GCH1: variants seen among roughly 807,000 people sequenced by gnomAD.
GCH1 encodes GTP cyclohydrolase I.
GCH1 carries 5 observed loss-of-function variants against 25.9 expected under a neutral mutation model. The ratio of observed to expected loss-of-function variants is 0.19; its 90% CI spans 0.10 to 0.41. GCH1 has a LOEUF of 0.41. GCH1 is among the 10% of genes least tolerant of loss of function. The pLI, the probability that GCH1 is intolerant of heterozygous loss-of-function variation, is 1.00. For synonymous variants in GCH1, 159 were observed against 129.6 expected (o/e 1.23, Z -1.54); for missense variants, 261 against 336.5 (o/e 0.78, Z 1.75).
intron 1 of GCH1, among the ~76,000 whole-genome samples, chr14:54,883,562 C>G (rs1377570932): frequency 5.3e-5 from 8 of 151,948 alleles, no homozygotes; most frequent in Admixed American, 5.3e-4. Flanking sequence ...GCCTGTAGTC[C>G]CAGCTACTCG....
At chr14:54,902,297 C>G (rs1330575179) in intron 1 of GCH1, 24 bp downstream of exon 1, 1 of 1,609,380 alleles carries the variant, frequency 6.2e-7, no homozygotes, top group South Asian at 1.1e-5. Context: ...CCCGCACGCT[C>G]TAGCAGCCCG....
At chr14:54,889,075 A>G (rs1047241127) in intron 1 of GCH1, among the ~76,000 whole-genome samples, 5 of 152,212 alleles carry the variant, frequency 3.3e-5, no homozygotes, top group African/African-American at 9.6e-5. Flanking sequence ...AAAGCCTGAC[A>G]GCACTAACAG....
chr14:54,880,443 T>TAC (rs1491330778), intron 1 of GCH1, among the ~76,000 whole-genome samples: 6 of 121,982 alleles, frequency 4.9e-5, no homozygotes, highest in South Asian at 5.2e-4. Context: ...TATATATATA[T>TAC]ACTCCATATA....
chr14:54,888,516 G>GTT (rs371734881), intron 1 of GCH1, among the ~76,000 whole-genome samples: 5 of 136,842 alleles, frequency 3.7e-5, no homozygotes, highest in Non-Finnish European at 4.6e-5. Context: ...TGACATACTA[G>GTT]TTTTTTTTTT....
In GCH1 at chr14:54,861,183, T is replaced by C. The variant is rs543599021; in HGVS notation, c.454-1447A>G. On this transcript the variant is annotated intron_variant, in intron 2 of 5. Transcript: ENST00000491895. ...GATCTAGTAGTACTTAGTGATTTTT[T>C]CCCCCATCCATTGGCACTATGCTTT... Among the ~76,000 whole-genome samples the C allele has an allele frequency of 5.3e-4, 80 of 152,272 alleles. 1 individual carries two copies. Among genetic ancestry groups the C allele is most frequent in the African/African-American group, 1.9e-3 (78 of 41,556 alleles).
chr14:54,852,910 C>T (rs574139366), intron 3 of GCH1, among the ~76,000 whole-genome samples: 1 of 152,142 alleles, frequency 6.6e-6, no homozygotes, highest in Non-Finnish European at 1.5e-5. Context: ...AGAGAACATG[C>T]ACTAGTTTCT....
At chr14:54,854,421 G>C (rs1411968817) in intron 3 of GCH1, among the ~76,000 whole-genome samples, 1 of 152,160 alleles carries the variant, frequency 6.6e-6, no homozygotes, top group Non-Finnish European at 1.5e-5. Context: ...CGGGCAGTGA[G>C]CACACGCAGC....
chr14:54,863,280 A>G lies in GCH1; in HGVS notation c.453+2047T>C, dbSNP rs572653642. Among the ~76,000 whole-genome samples, 68 of 151,916 alleles carry G rather than the reference A, an allele frequency of 4.5e-4. 1 individual carries two copies. The South Asian group carries it at 0.013, about 29-fold the overall frequency. On this transcript the variant is annotated intron_variant, in intron 2 of 5. Transcript: ENST00000491895. ...TAAAAATACAACAACAAAATTAGCC[A>G]GCATGGTGGCAGGCGCCTGTAGTCC...
intron 1 of GCH1, among the ~76,000 whole-genome samples, chr14:54,874,562 T>G (rs1288482456): frequency 6.6e-6 from 1 of 152,212 alleles, no homozygotes; most frequent in African/African-American, 2.4e-5. Flanking sequence ...GGTCCCTGTT[T>G]GCAGATGACA....
chr14:54,852,009 C>T (rs767461962), intron 3 of GCH1, among the ~76,000 whole-genome samples: 3 of 152,164 alleles, frequency 2.0e-5, no homozygotes, highest in Admixed American at 6.5e-5. Context: ...AGGCTGGTCT[C>T]GAACTACTGA....
At chr14:54,864,258 A>G (rs1192239779) in intron 2 of GCH1, among the ~76,000 whole-genome samples, 2 of 152,236 alleles carry the variant, frequency 1.3e-5, no homozygotes, top group African/African-American at 2.4e-5. Context: ...AAAAGATACA[A>G]TACTTTAACA....
chr14:54,860,791 G>A (rs1195172804), intron 2 of GCH1, among the ~76,000 whole-genome samples: 2 of 151,932 alleles, frequency 1.3e-5, no homozygotes, highest in Admixed American at 6.6e-5. Context: ...TGCCCGCCTC[G>A]GCCTCCCAAA....
At chr14:54,875,408 C>T (rs2040143575) in intron 1 of GCH1, among the ~76,000 whole-genome samples, 1 of 152,136 alleles carries the variant, frequency 6.6e-6, no homozygotes, top group Non-Finnish European at 1.5e-5. Context: ...AGGACATAGG[C>T]ATGGGCAAGG....
chr14:54,900,621 T>TGTGAGTCACTTTAGATAATTCTGTGACC (rs1369532817), intron 1 of GCH1, among the ~76,000 whole-genome samples: 2 of 152,192 alleles, frequency 1.3e-5, no homozygotes, highest in Non-Finnish European at 2.9e-5. Flanking sequence ...CAAGTAAATC[T>TGTGAGTCACTTTAGATAATTCTGTGACC]GTGAGTCACT....
At chr14:54,852,442 C>T (rs541878089) in intron 3 of GCH1, among the ~76,000 whole-genome samples, 32 of 152,292 alleles carry the variant, frequency 2.1e-4, no homozygotes, top group Admixed American at 1.1e-3. Flanking sequence ...AGGACACTAT[C>T]CCATCACAGG....
chr14:54,846,645 A>T (rs1379168964), intron 4 of GCH1, among the ~76,000 whole-genome samples: 1 of 152,276 alleles, frequency 6.6e-6, no homozygotes, highest in Non-Finnish European at 1.5e-5. Flanking sequence ...TGCAAATACA[A>T]CAGTGATTTC....
At chr14:54,888,201 C>T (rs184076600) in intron 1 of GCH1, among the ~76,000 whole-genome samples, 4 of 152,274 alleles carry the variant, frequency 2.6e-5, no homozygotes, top group Admixed American at 6.5e-5. Flanking sequence ...ACTATAGAAA[C>T]GATTTGCAGG....
intron 1 of GCH1, among the ~76,000 whole-genome samples, chr14:54,872,979 A>T (rs2040102829): frequency 6.6e-6 from 1 of 151,446 alleles, no homozygotes; most frequent in African/African-American, 2.4e-5. Context: ...CCAGGAATTG[A>T]ACTTAGCTCT....
At chr14:54,891,559 GC>G (rs1258550459) in intron 1 of GCH1, among the ~76,000 whole-genome samples, 1 of 151,982 alleles carries the variant, frequency 6.6e-6, no homozygotes, top group African/African-American at 2.4e-5. Context: ...ACAGGCACAT[GC>G]CACTATGCCT....
Sources: gnomAD v4.1 joint callset for allele counts (sites outside exome capture counted in the v4.1 genomes callset) on GRCh38, gnomAD v4.1.1 for gene constraint, MANE v1.5 for transcripts, NCBI Gene and HGNC (gene_info 2026-07-23, HGNC 2026-07-21) for gene names.